Variants in SLC12A3 observed in about 807,000 individuals in gnomAD.
SLC12A3 encodes Na-Cl cotransporter.
In SLC12A3, 104 loss-of-function variants were observed where a neutral mutation model predicts 121.0. The ratio of observed to expected loss-of-function variants is 0.86; its 90% CI spans 0.73 to 1.01. The LOEUF (loss-of-function observed/expected upper bound fraction) is 1.01, where lower values mean the gene tolerates loss of function less well. Ranked by LOEUF, SLC12A3 falls within the 50% of genes least tolerant of loss-of-function variation. The pLI, the probability that SLC12A3 is intolerant of heterozygous loss-of-function variation, is 0.00. For synonymous variants in SLC12A3, 536 were observed against 533.4 expected (o/e 1.00, Z -0.07); for missense variants, 1,328 against 1,356.3 (o/e 0.98, Z 0.33).
chr16:56,880,311 G>A (rs938284518), intron 12 of SLC12A3, 58 bp downstream of exon 12: 47 of 1,537,770 alleles, frequency 3.1e-5, no homozygotes, highest in Non-Finnish European at 4.0e-5. Flanking sequence ...CCGGCCATGA[G>A]GGTCTTGGGG....
chr16:56,894,198 T>C (rs2055431539), intron 21 of SLC12A3, among the ~76,000 whole-genome samples: 1 of 151,958 alleles, frequency 6.6e-6, no homozygotes, highest in Non-Finnish European at 1.5e-5. Context: ...AGAGATAGGG[T>C]TTTACCATGT....
At chr16:56,892,035 C>A in intron 19 of SLC12A3, 48 bp from the exon 20 acceptor site, 1 of 1,409,220 alleles carries the variant, frequency 7.1e-7, no homozygotes, top group Non-Finnish European at 1.0e-6. Context: ...ACCCACGGTG[C>A]CCTCAGACAA....
At chr16:56,888,703 C>T (rs950222652) in intron 18 of SLC12A3, among the ~76,000 whole-genome samples, 2 of 151,808 alleles carry the variant, frequency 1.3e-5, no homozygotes, top group African/African-American at 2.4e-5. Context: ...GGACTACAGG[C>T]GCCCGCCACC....
In SLC12A3 at chr16:56,900,149, C is replaced by T. The variant is rs370204241; in HGVS notation, c.2720+533C>T. On this transcript the variant is annotated intron_variant, in intron 23 of 25. Coordinates refer to ENST00000563236, the MANE Select transcript of SLC12A3 (RefSeq NM_001126108.2). ...CCTCCTAGCCCTAACTTTTCTCTTACGTCTCCCAGCCGTAAGGATGTCCCC... is the reference window on the plus strand; with the variant it reads ...CCTCCTAGCCCTAACTTTTCTCTTATGTCTCCCAGCCGTAAGGATGTCCCC... 8.5e-5 allele frequency among the ~76,000 whole-genome samples: 13 copies of T among 152,216 alleles called. No homozygotes were observed. In the East Asian group the frequency reaches 2.5e-3, roughly 29 times the overall value.
At chr16:56,895,416 A>G (rs1230516246) in intron 22 of SLC12A3, among the ~76,000 whole-genome samples, 2 of 150,032 alleles carry the variant, frequency 1.3e-5, no homozygotes, top group African/African-American at 4.9e-5. Context: ...CTGGTCTCGA[A>G]CTCCTGACCT....
intron 6 of SLC12A3, 151 bp downstream of exon 6, chr16:56,870,887 T>G: frequency 1.7e-6 from 1 of 602,156 alleles, no homozygotes; most frequent in Non-Finnish European, 3.0e-6. Context: ...CATGCTGGAG[T>G]GCAGTGGTAC....
At chr16:56,893,178 C>A in intron 21 of SLC12A3, 124 bp downstream of exon 21, 1 of 760,084 alleles carries the variant, frequency 1.3e-6, no homozygotes, top group South Asian at 1.6e-5. Flanking sequence ...GCAGTGAGCT[C>A]AGGGGAGCCC....
In SLC12A3 at chr16:56,872,465, A is replaced by T; in HGVS notation, c.964+3A>T. On this transcript the variant is annotated splice_donor_region_variant and intron_variant, in intron 7 of 25. Transcript: ENST00000563236. ...CAAAGGCTTCTTCAGCTACCGGGGT[A>T]TGTGCTGATCAAGGCCCTGACCATG... 1 of 1,611,362 alleles carries T rather than the reference A, an allele frequency of 6.2e-7. No individual in the cohort carries two copies. Among genetic ancestry groups the T allele is most frequent in the Non-Finnish European group, 8.5e-7 (1 of 1,177,622 alleles).
At chr16:56,893,694 C>A (rs1353409752) in intron 21 of SLC12A3, among the ~76,000 whole-genome samples, 1 of 152,224 alleles carries the variant, frequency 6.6e-6, no homozygotes, top group Non-Finnish European at 1.5e-5. Context: ...AGGGCTCCCA[C>A]ACGCTGGTCA....
chr16:56,869,983 T>C (rs967032805), intron 4 of SLC12A3, 113 bp from the exon 5 acceptor site: 6 of 1,428,090 alleles, frequency 4.2e-6, no homozygotes, highest in Non-Finnish European at 5.9e-6. Flanking sequence ...TGGCCTCAGC[T>C]ATCTCCTGCC....
At position 56,912,590 on chromosome 16, in the gene SLC12A3, T is replaced by C. The variant is rs117738782; in HGVS notation, c.2925-674T>C. Among the ~76,000 whole-genome samples, 1,174 of 152,036 alleles carry C rather than the reference T, an allele frequency of 7.7e-3. 9 individuals carry two copies. Among genetic ancestry groups the C allele is most frequent in the Non-Finnish European group, 1.0e-2 (679 of 67,948 alleles). ...AAGCGGGTGGCCTGATAGGGAAGGGTCGCCCACTTAACAAATATATACTGA... is the reference window on the plus strand; with the variant it reads ...AAGCGGGTGGCCTGATAGGGAAGGGCCGCCCACTTAACAAATATATACTGA... On this transcript the variant is annotated intron_variant, in intron 25 of 25. Transcript: ENST00000563236.
chr16:56,912,818 A>G (rs1379563861), intron 25 of SLC12A3, among the ~76,000 whole-genome samples: 1 of 152,092 alleles, frequency 6.6e-6, no homozygotes, highest in African/African-American at 2.4e-5. Flanking sequence ...TGGAGGAGTG[A>G]TCAGGGAGGA....
At chr16:56,907,202 TC>T (rs2055619545) in intron 25 of SLC12A3, 1 of 156,296 alleles carries the variant, frequency 6.4e-6, no homozygotes, top group Admixed American at 6.5e-5. Flanking sequence ...ACGCCTGTAA[TC>T]CCAGCACTTT....
chr16:56,879,400 A>C, intron 10 of SLC12A3, 142 bp from the exon 11 acceptor site: 2 of 1,045,956 alleles, frequency 1.9e-6, no homozygotes, highest in Non-Finnish European at 2.9e-6. Flanking sequence ...GTGGGTGGAC[A>C]CTGGGATCTC....
intron 25 of SLC12A3, among the ~76,000 whole-genome samples, chr16:56,911,662 T>C (rs1186798322): frequency 7.5e-6 from 1 of 133,446 alleles, no homozygotes; most frequent in African/African-American, 3.2e-5. Context: ...TTGTCCCAGG[T>C]GAAGCTTTGT....
At chr16:56,883,279 C>CTTTTTTTTT (rs71152216) in intron 13 of SLC12A3, among the ~76,000 whole-genome samples, 2 of 119,550 alleles carry the variant, frequency 1.7e-5, no homozygotes, top group African/African-American at 3.1e-5. Flanking sequence ...CTTTTTCTTT[C>CTTTTTTTTT]TTTTTTTTTT....
rs559085703 is a variant in SLC12A3, at chr16:56,886,878, G to C, written c.2038-75G>C. The C allele has an allele frequency of 1.9e-6, 3 of 1,603,942 alleles. No homozygotes were observed. In the African/African-American group the frequency reaches 4.0e-5, roughly 21 times the overall value. ...TGCCAAGCCCCTGGGGCAGCCTCCAGGGCAGGAGAGGGGTTGAATCTCAGG... is the reference window on the plus strand; with the variant it reads ...TGCCAAGCCCCTGGGGCAGCCTCCACGGCAGGAGAGGGGTTGAATCTCAGG... On this transcript the variant is annotated intron_variant, in intron 16 of 25. Coordinates refer to ENST00000563236, the MANE Select transcript of SLC12A3 (RefSeq NM_001126108.2).
intron 25 of SLC12A3, among the ~76,000 whole-genome samples, chr16:56,909,201 G>A (rs2055650267): frequency 6.6e-6 from 1 of 152,008 alleles, no homozygotes; most frequent in East Asian, 1.9e-4. Context: ...GCTCATGCCT[G>A]TAATCCCAGC....
At chr16:56,887,195 C>A in intron 17 of SLC12A3, 102 bp downstream of exon 17, 2 of 1,473,902 alleles carry the variant, frequency 1.4e-6, no homozygotes, top group Non-Finnish European at 9.3e-7. Flanking sequence ...CCTTTTGCTG[C>A]AGAAGGAGCC....
Sources: allele counts gnomAD v4.1 joint callset (sites outside exome capture counted in the v4.1 genomes callset), GRCh38; gene constraint gnomAD v4.1.1; transcripts MANE v1.5; gene names NCBI Gene and HGNC (gene_info 2026-07-23, HGNC 2026-07-21).